Variants in PAG1 observed in about 807,000 individuals in gnomAD.
PAG1 encodes phosphoprotein membrane anchor with glycosphingolipid microdomains 1.
A neutral mutation model predicts 31.7 loss-of-function variants in PAG1; 23 were observed. The observed-to-expected ratio is 0.73, with a 90% CI of 0.52 to 1.03. PAG1 has a LOEUF of 1.03. Among genes scored for constraint, PAG1 ranks in the 50% least tolerant of loss-of-function variants. The pLI is 0.00. For synonymous variants in PAG1, 214 were observed against 210.3 expected, an observed-to-expected ratio of 1.02 and a Z score of -0.15; for missense variants, 473 against 540.7, an observed-to-expected ratio of 0.87 and a Z score of 1.24.
At chr8:81,094,176 G>A (rs1244126459) in intron 1 of PAG1, among the ~76,000 whole-genome samples, 2 of 152,048 alleles carry the variant, frequency 1.3e-5, no homozygotes, top group East Asian at 3.9e-4. Context: ...ACCCCAGGAG[G>A]GACATCGTCC....
At chr8:81,056,962 T>C (rs1314538571) in intron 2 of PAG1, among the ~76,000 whole-genome samples, 1 of 152,168 alleles carries the variant, frequency 6.6e-6, no homozygotes, top group African/African-American at 2.4e-5. Flanking sequence ...AACAGACACA[T>C]GAAAAAGTGC....
At chr8:81,039,330 C>G (rs182992026) in intron 2 of PAG1, 4 of 152,218 alleles carry the variant, frequency 2.6e-5, no homozygotes, top group Non-Finnish European at 5.9e-5. Flanking sequence ...GGATGGGCCC[C>G]CATATAATGT....
At chr8:81,030,540 G>A (rs940109762) in intron 2 of PAG1, among the ~76,000 whole-genome samples, 1 of 152,230 alleles carries the variant, frequency 6.6e-6, no homozygotes, top group African/African-American at 2.4e-5. Context: ...ATTCAGTTCT[G>A]AAAATTTCTT....
rs1468877106 is a variant in PAG1, at chr8:80,973,373, C to T, written c.*3171G>A. 6.6e-6 allele frequency: 1 copy of T among 152,100 alleles called. No homozygotes were observed. Among genetic ancestry groups the T allele is most frequent in the Admixed American group, 6.5e-5 (1 of 15,278 alleles). 9.4% of individuals were successfully genotyped at this position (152,100 alleles called of 1,614,324 possible). ...TTTCAGAAAGTAGACACACTAAAAA[C>T]ATTTGACAAATTAAAAAAATTTTGC... On this transcript the variant is annotated 3_prime_UTR_variant, in exon 9 of 9. Coordinates refer to ENST00000220597, the MANE Select transcript of PAG1 (RefSeq NM_018440.4).
At chr8:81,059,670 A>G (rs1430051781) in intron 2 of PAG1, among the ~76,000 whole-genome samples, 1 of 152,168 alleles carries the variant, frequency 6.6e-6, no homozygotes, top group African/African-American at 2.4e-5. Flanking sequence ...TTATCTCCCC[A>G]TAGCTAAATC....
intron 1 of PAG1, among the ~76,000 whole-genome samples, chr8:81,105,776 G>A (rs1418572506): frequency 2.0e-5 from 3 of 152,192 alleles, no homozygotes; most frequent in Non-Finnish European, 4.4e-5. Flanking sequence ...ACAGTGAGAC[G>A]AGATGCCTGA....
intron 2 of PAG1, among the ~76,000 whole-genome samples, chr8:81,059,784 G>C (rs904829678): frequency 8.5e-5 from 13 of 152,100 alleles, no homozygotes; most frequent in Non-Finnish European, 1.6e-4. Context: ...CCAGCACTTT[G>C]GGAGGCCAAT....
intron 2 of PAG1, among the ~76,000 whole-genome samples, chr8:81,041,548 T>C (rs1808554982): frequency 6.6e-6 from 1 of 152,206 alleles, no homozygotes; most frequent in Non-Finnish European, 1.5e-5. Flanking sequence ...TTTTAGCTCT[T>C]TGATGACTTT....
At chr8:81,085,544 C>T (rs535992045) in intron 1 of PAG1, among the ~76,000 whole-genome samples, 7 of 152,288 alleles carry the variant, frequency 4.6e-5, no homozygotes, top group South Asian at 2.1e-4. Flanking sequence ...ACTGGCCTAC[C>T]GTGAAATGTG....
chr8:81,084,790 G>C (rs1241438344), intron 1 of PAG1, among the ~76,000 whole-genome samples: 1 of 152,150 alleles, frequency 6.6e-6, no homozygotes, highest in Non-Finnish European at 1.5e-5. Context: ...CACGATATTA[G>C]AGCAGACAAG....
In PAG1 at chr8:80,971,083, A is replaced by T. The variant is rs192672308; in HGVS notation, c.*5461T>A. On this transcript the variant is annotated 3_prime_UTR_variant, in exon 9 of 9. Coordinates refer to ENST00000220597, the MANE Select transcript of PAG1 (RefSeq NM_018440.4). Reference sequence around the variant, plus strand: ...GGACTAGATCCGGGGAGGGAAAAGTAATCACAAAATGTTCAAGCTAATAAG... The same window carrying T: ...GGACTAGATCCGGGGAGGGAAAAGTTATCACAAAATGTTCAAGCTAATAAG... 3.3e-5 allele frequency: 5 copies of T among 152,390 alleles called. No individual in the cohort carries two copies. In the East Asian group the frequency reaches 9.6e-4, roughly 29 times the overall value. 9.4% of individuals were successfully genotyped at this position (152,390 alleles called of 1,614,324 possible).
Position 80,985,085 on chromosome 8 carries a change from C to T in PAG1, c.567G>A (p.Glu189=), listed in dbSNP as rs1807388402. The change falls in exon 7 of 9, where the codon GAG becomes GAA. Residue 189 remains glutamate (E), a synonymous_variant. Coordinates refer to ENST00000220597, the MANE Select transcript of PAG1 (RefSeq NM_018440.4). Reference sequence around the variant, plus strand: ...TCTCCAGGTGTGCAGCTGCAGCCACCTCCTTGATCTCTTTCACAGTTTCAT... The same window carrying T: ...TCTCCAGGTGTGCAGCTGCAGCCACTTCCTTGATCTCTTTCACAGTTTCAT... ...CLYETVKEIK[E]VAAAAHLEKG... The T allele has an allele frequency of 6.2e-7, 1 of 1,614,148 alleles. No homozygotes were observed. Among genetic ancestry groups the T allele is most frequent in the Non-Finnish European group, 8.5e-7 (1 of 1,180,024 alleles).
At chr8:81,095,790 G>T (rs1384865259) in intron 1 of PAG1, among the ~76,000 whole-genome samples, 1 of 152,130 alleles carries the variant, frequency 6.6e-6, no homozygotes. Context: ...CTGCACCACT[G>T]CCAGCCTTGG....
At chr8:81,023,384 A>G (rs1808220786) in intron 3 of PAG1, among the ~76,000 whole-genome samples, 1 of 152,200 alleles carries the variant, frequency 6.6e-6, no homozygotes, top group Non-Finnish European at 1.5e-5. Flanking sequence ...GTCATGATAG[A>G]TAAAGAGATA....
chr8:81,027,986 G>T (rs1479947359), intron 3 of PAG1, among the ~76,000 whole-genome samples: 1 of 151,914 alleles, frequency 6.6e-6, no homozygotes, highest in Non-Finnish European at 1.5e-5. Context: ...AAAGACGAGG[G>T]TCCCCCACAG....
In PAG1 at chr8:81,015,813, C is replaced by T. The variant is rs75131781; in HGVS notation, c.-81+14183G>A. ...CTCCCTGTATCCTCACTTCTTGCAACGTGACTTTGGAGCTCCTTCCAGCAA... is the reference window on the plus strand; with the variant it reads ...CTCCCTGTATCCTCACTTCTTGCAATGTGACTTTGGAGCTCCTTCCAGCAA... On this transcript the variant is annotated intron_variant, in intron 3 of 8. Transcript: ENST00000220597. Among the ~76,000 whole-genome samples, 1,217 of 152,246 alleles carry T rather than the reference C, an allele frequency of 8.0e-3. 8 individuals carry two copies. Among genetic ancestry groups the T allele is most frequent in the African/African-American group, 0.028 (1,165 of 41,526 alleles).
At chr8:81,076,099 C>A (rs1209757408) in intron 1 of PAG1, among the ~76,000 whole-genome samples, 4 of 152,158 alleles carry the variant, frequency 2.6e-5, no homozygotes, top group African/African-American at 4.8e-5. Flanking sequence ...GGTGACCTGG[C>A]CTCCGGGAAC....
Position 80,970,099 on chromosome 8 carries a change from A to G in PAG1, c.*6445T>C, listed in dbSNP as rs1300009420. The G allele has an allele frequency of 6.6e-6, 1 of 152,174 alleles. No individual in the cohort carries two copies. The highest frequency in any genetic ancestry group is 1.5e-5 in the Non-Finnish European group (1 of 68,110). The allele number at this position is 152,174 out of a possible 1,614,324, so 9.4% of individuals were successfully genotyped here. A position where few individuals can be genotyped will look rare whatever the true frequency, so the allele number is the denominator to read the frequency against. ...AACATTTTACACTCAATTTACTTTA[A>G]AAAGGTTTTTTTTTTGTTTTTGTTT... On this transcript the variant is annotated 3_prime_UTR_variant, in exon 9 of 9. Coordinates refer to ENST00000220597, the MANE Select transcript of PAG1 (RefSeq NM_018440.4).
chr8:81,030,572 A>T (rs1422478858), intron 2 of PAG1, among the ~76,000 whole-genome samples: 2 of 152,248 alleles, frequency 1.3e-5, no homozygotes, highest in African/African-American at 4.8e-5. Context: ...ACTTTGGTGC[A>T]GCGTGAACAG....
Sources: allele counts gnomAD v4.1 joint callset (sites outside exome capture counted in the v4.1 genomes callset), GRCh38; gene constraint gnomAD v4.1.1; transcripts MANE v1.5; gene names NCBI Gene and HGNC (gene_info 2026-07-23, HGNC 2026-07-21).